Variants in PTP4A1 observed in about 807,000 individuals in gnomAD.
PTP4A1 encodes the protein protein tyrosine phosphatase 4A1.
PTP4A1 carries 9 observed loss-of-function variants against 20.5 expected under a neutral mutation model. The observed-to-expected ratio is 0.44, with a 90% confidence interval of 0.26 to 0.77. The LOEUF is 0.77. PTP4A1 is among the 30% of genes least tolerant of loss of function. The probability of loss-of-function intolerance (pLI) is 0.19; values close to 1 mark genes in which losing one functional copy is unlikely to be tolerated. For synonymous variants in PTP4A1, 78 were observed against 67.4 expected, an observed-to-expected ratio of 1.16 and a Z score of -0.77; for missense variants, 137 against 218.8, an observed-to-expected ratio of 0.63 and a Z score of 2.36.
rs201948868 is a variant in PTP4A1 at position 63,578,945 on chromosome 6, T to A, written c.246T>A (p.Asp82Glu). The change falls in exon 4 of 6, where the codon GAT (aspartate) becomes GAA (glutamate). Residue 82 changes from aspartate (D) to glutamate (E), a missense_variant. Coordinates refer to ENST00000626021, the MANE Select transcript of PTP4A1 (RefSeq NM_003463.5). Reference sequence around the variant, plus strand: ...CACCACCATCCAACCAGATTGTTGATGACTGGTTAAGTCTTGTGAAAATTA... The same window carrying A: ...CACCACCATCCAACCAGATTGTTGAAGACTGGTTAAGTCTTGTGAAAATTA... ...DGAPPSNQIV[D>E]DWLSLVKIKF... 6.2e-7 allele frequency: 1 copy of A among 1,603,420 alleles called. No individual in the cohort carries two copies. Among genetic ancestry groups the A allele is most frequent in the Non-Finnish European group, 8.5e-7 (1 of 1,175,932 alleles).
At chr6:63,543,652 A>G (rs1405318836) in intron 2 of PTP4A1, among the ~76,000 whole-genome samples, 2 of 152,178 alleles carry the variant, frequency 1.3e-5, no homozygotes, top group Non-Finnish European at 2.9e-5. Context: ...GTGCCCATTC[A>G]TCCAATTGGT....
chr6:63,523,710 A>G (rs1159464625), intron 1 of PTP4A1, among the ~76,000 whole-genome samples: 1 of 152,156 alleles, frequency 6.6e-6, no homozygotes, highest in African/African-American at 2.4e-5. Flanking sequence ...AAACTCTTTT[A>G]AAATTATAAG....
chr6:63,576,852 C>T lies in PTP4A1; in HGVS notation c.-29C>T, dbSNP rs749828725. 6.4e-7 allele frequency: 1 copy of T among 1,553,906 alleles called. No homozygotes were observed. The highest frequency in any genetic ancestry group is 8.8e-7 in the Non-Finnish European group (1 of 1,131,318). On this transcript the variant is annotated 5_prime_UTR_variant, in exon 2 of 6. Coordinates refer to ENST00000626021, the MANE Select transcript of PTP4A1 (RefSeq NM_003463.5). Reference sequence around the variant, plus strand: ...TCAATTTTTTTAATTATTTCATAACCCTATTGAGTGTTTTTTAACTAAATT... The same window carrying T: ...TCAATTTTTTTAATTATTTCATAACTCTATTGAGTGTTTTTTAACTAAATT...
At chr6:63,527,728 T>G (rs974814343) in intron 1 of PTP4A1, 1 of 152,172 alleles carries the variant, frequency 6.6e-6, no homozygotes, top group African/African-American at 2.4e-5. Flanking sequence ...CTCTTTCACA[T>G]ACATTGCATG....
intron 3 of PTP4A1, among the ~76,000 whole-genome samples, chr6:63,566,213 A>G (rs1435396607): frequency 6.6e-6 from 1 of 152,242 alleles, no homozygotes; most frequent in Non-Finnish European, 1.5e-5. Context: ...GATTTCAAAG[A>G]AAGCAGCTCT....
At chr6:63,521,597 T>C (rs1774927041), upstream of PTP4A1, among the ~76,000 whole-genome samples, 2 of 152,250 alleles carry the variant, frequency 1.3e-5, no homozygotes, top group Non-Finnish European at 2.9e-5. Flanking sequence ...TAAAGTAGCA[T>C]AGTTTGGAAA....
chr6:63,553,977 T>A (rs1776558704), intron 3 of PTP4A1, among the ~76,000 whole-genome samples: 1 of 152,192 alleles, frequency 6.6e-6, no homozygotes, highest in African/African-American at 2.4e-5. Flanking sequence ...TTTAAGAGGC[T>A]TATAACCACA....
chr6:63,547,487 G>A (rs554362428), intron 2 of PTP4A1, among the ~76,000 whole-genome samples: 1 of 148,316 alleles, frequency 6.7e-6, no homozygotes, highest in Admixed American at 6.7e-5. Flanking sequence ...ACCTCGCCCG[G>A]CCAGGGGGGA....
chr6:63,580,184 G>T lies in PTP4A1; in HGVS notation c.*10G>T. 1.3e-6 allele frequency: 2 copies of T among 1,580,006 alleles called. No individual in the cohort carries two copies. Among genetic ancestry groups the T allele is most frequent in the Non-Finnish European group, 1.7e-6 (2 of 1,150,304 alleles). On this transcript the variant is annotated 3_prime_UTR_variant, in exon 6 of 6. Coordinates refer to ENST00000626021, the MANE Select transcript of PTP4A1 (RefSeq NM_003463.5). ...CTGTTGCATTCAATAAAATTGGGGT[G>T]CCTAATGCTACTGGAAGTGGAACTT...
At chr6:63,560,354 A>AAAAG (rs1230114952) in intron 3 of PTP4A1, among the ~76,000 whole-genome samples, 1,981 of 149,744 alleles carry the variant, frequency 0.013, 55 homozygotes, top group African/African-American at 0.047. Flanking sequence ...AAAAAAAAAA[A>AAAAG]AAAGAAAGAA....
At chr6:63,538,340 A>G (rs1775808429) in intron 2 of PTP4A1, among the ~76,000 whole-genome samples, 1 of 152,256 alleles carries the variant, frequency 6.6e-6, no homozygotes, top group East Asian at 1.9e-4. Context: ...ACATTGTTAC[A>G]GGGATTTCCA....
intron 2 of PTP4A1, among the ~76,000 whole-genome samples, chr6:63,533,855 A>AATTT (rs1359370138): frequency 2.6e-5 from 4 of 151,694 alleles, no homozygotes; most frequent in Non-Finnish European, 2.9e-5. Flanking sequence ...TTAATTAATT[A>AATTT]ATTTTTGAGG....
intron 1 of PTP4A1, among the ~76,000 whole-genome samples, chr6:63,523,798 C>T (rs1166099346): frequency 6.6e-6 from 1 of 152,078 alleles, no homozygotes; most frequent in African/African-American, 2.4e-5. Context: ...GACAATTCTT[C>T]TTTCAGTGGG....
intron 2 of PTP4A1, among the ~76,000 whole-genome samples, chr6:63,541,524 G>A (rs1381904479): frequency 6.6e-6 from 1 of 152,188 alleles, no homozygotes; most frequent in African/African-American, 2.4e-5. Context: ...TTGCACTCCA[G>A]CCTGGGCGAC....
At chr6:63,574,689 AAAAG>A (rs1301149160) in intron 1 of PTP4A1, among the ~76,000 whole-genome samples, 1 of 152,236 alleles carries the variant, frequency 6.6e-6, no homozygotes, top group African/African-American at 2.4e-5. Flanking sequence ...TTAATTGAAA[AAAAG>A]GTAATACCTA....
At chr6:63,547,812 A>AG (rs989766631) in intron 2 of PTP4A1, among the ~76,000 whole-genome samples, 1 of 151,802 alleles carries the variant, frequency 6.6e-6, no homozygotes, top group African/African-American at 2.4e-5. Context: ...CGCCCGGCCC[A>AG]GGGGGGGATT....
At chr6:63,532,411 C>T (rs1217588274) in intron 2 of PTP4A1, among the ~76,000 whole-genome samples, 1 of 152,142 alleles carries the variant, frequency 6.6e-6, no homozygotes, top group Admixed American at 6.5e-5. Flanking sequence ...ACTACCAGTA[C>T]CAGCCACAGG....
intron 1 of PTP4A1, among the ~76,000 whole-genome samples, chr6:63,522,224 G>A (rs904044907): frequency 6.6e-6 from 1 of 152,030 alleles, no homozygotes; most frequent in African/African-American, 2.4e-5. Context: ...TATTTTAAGG[G>A]CTACAATATA....
At chr6:63,578,805 G>T (rs1490166246) in intron 3 of PTP4A1, 93 bp from the exon 4 acceptor site, 11 of 1,256,094 alleles carry the variant, frequency 8.8e-6, no homozygotes, top group Non-Finnish European at 1.2e-5. Context: ...AAATGAGAAT[G>T]CTTTTGAAAA....
Sources: gnomAD v4.1 joint callset for allele counts (sites outside exome capture counted in the v4.1 genomes callset) on GRCh38, gnomAD v4.1.1 for gene constraint, MANE v1.5 for transcripts, NCBI Gene and HGNC (gene_info 2026-07-23, HGNC 2026-07-21) for gene names.